The following ST6GALNAC5 variants were observed in gnomAD, a reference collection of about 807,000 sequenced individuals.
ST6GALNAC5 encodes ST6 N-acetylgalactosaminide alpha-2,6-sialyltransferase 5.
In ST6GALNAC5, 27 loss-of-function variants were observed where a neutral mutation model predicts 33.6. The observed-to-expected ratio is 0.80, with a 90% CI of 0.59 to 1.11. ST6GALNAC5 has a LOEUF of 1.11. ST6GALNAC5 is among the 50% of genes least tolerant of loss of function. The pLI is 0.00. For synonymous variants in ST6GALNAC5, 194 were observed against 171.2 expected (o/e 1.13, Z -1.04); for missense variants, 428 against 454.0 (o/e 0.94, Z 0.52).
intron 2 of ST6GALNAC5, among the ~76,000 whole-genome samples, chr1:76,992,175 G>A (rs1649761602): frequency 6.6e-6 from 1 of 152,064 alleles, no homozygotes; most frequent in Middle Eastern, 3.4e-3. Context: ...TCCCTGCTTG[G>A]AACTGTATGC....
intron 2 of ST6GALNAC5, among the ~76,000 whole-genome samples, chr1:77,003,851 C>T (rs202079147): frequency 0.36 from 51,965 of 145,082 alleles, 9,991 homozygotes; most frequent in African/African-American, 0.5. Flanking sequence ...GGGTTTCTGC[C>T]GAGAGATCTG....
intron 4 of ST6GALNAC5, among the ~76,000 whole-genome samples, chr1:77,054,873 G>A (rs915564558): frequency 6.6e-6 from 1 of 152,112 alleles, no homozygotes; most frequent in African/African-American, 2.4e-5. Flanking sequence ...AAGAAAGATA[G>A]CATTGCATTC....
intron 2 of ST6GALNAC5, among the ~76,000 whole-genome samples, chr1:76,940,595 G>A (rs541466412): frequency 6.6e-6 from 1 of 152,138 alleles, no homozygotes; most frequent in East Asian, 1.9e-4. Flanking sequence ...TGGAGAAAGG[G>A]AAGCAACTTG....
At chr1:76,874,351 G>A (rs1439939511) in intron 2 of ST6GALNAC5, among the ~76,000 whole-genome samples, 3 of 152,080 alleles carry the variant, frequency 2.0e-5, no homozygotes. Context: ...GTAACATATG[G>A]TGACCACCTT....
At chr1:76,974,878 C>T (rs1570726833) in intron 2 of ST6GALNAC5, among the ~76,000 whole-genome samples, 2 of 147,628 alleles carry the variant, frequency 1.4e-5, no homozygotes, top group Admixed American at 6.8e-5. Flanking sequence ...TTCCGCCTCC[C>T]GGGTTCAAGT....
chr1:76,938,304 T>C (rs1353092434), intron 2 of ST6GALNAC5, among the ~76,000 whole-genome samples: 1 of 151,968 alleles, frequency 6.6e-6, no homozygotes, highest in Non-Finnish European at 1.5e-5. Context: ...AAGTTTGATG[T>C]GGAAAGAAAA....
At chr1:76,867,836 G>C (rs1570621157) in intron 1 of ST6GALNAC5, 146 bp downstream of exon 1, 3 of 1,186,950 alleles carry the variant, frequency 2.5e-6, no homozygotes, top group Non-Finnish European at 3.6e-6. Context: ...CCCGCTCCGC[G>C]TTCCCTCCCG....
chr1:77,048,464 C>A (rs1170577207), intron 3 of ST6GALNAC5, among the ~76,000 whole-genome samples: 1 of 152,180 alleles, frequency 6.6e-6, no homozygotes, highest in Non-Finnish European at 1.5e-5. Flanking sequence ...GAAGCCACTT[C>A]CTCTTCTTAC....
At chr1:77,039,326 C>T (rs1169324306) in intron 2 of ST6GALNAC5, among the ~76,000 whole-genome samples, 5 of 152,322 alleles carry the variant, frequency 3.3e-5, no homozygotes, top group Admixed American at 6.5e-5. Flanking sequence ...TACTGTGTCC[C>T]GGGCCATTTT....
At chr1:76,989,756 G>A (rs1649651296) in intron 2 of ST6GALNAC5, among the ~76,000 whole-genome samples, 1 of 152,016 alleles carries the variant, frequency 6.6e-6, no homozygotes, top group South Asian at 2.1e-4. Context: ...TCTTTATTTG[G>A]CCTTGCTTCT....
chr1:76,923,188 A>T (rs1245967172), intron 2 of ST6GALNAC5, among the ~76,000 whole-genome samples: 1 of 152,088 alleles, frequency 6.6e-6, no homozygotes, highest in Non-Finnish European at 1.5e-5. Flanking sequence ...GGTAAAAGGC[A>T]TATAAGATCC....
intron 2 of ST6GALNAC5, among the ~76,000 whole-genome samples, chr1:76,997,524 T>C (rs896225518): frequency 9.2e-5 from 14 of 152,182 alleles, no homozygotes; most frequent in African/African-American, 3.4e-4. Flanking sequence ...TCTAGAACTT[T>C]TAATAGACGA....
At chr1:76,935,026 C>A (rs1647186737) in intron 2 of ST6GALNAC5, among the ~76,000 whole-genome samples, 1 of 152,008 alleles carries the variant, frequency 6.6e-6, no homozygotes, top group African/African-American at 2.4e-5. Context: ...GTTATTTCAG[C>A]ATAATAAGTA....
chr1:76,955,009 T>C (rs1292009304), intron 2 of ST6GALNAC5, among the ~76,000 whole-genome samples: 2 of 152,164 alleles, frequency 1.3e-5, no homozygotes, highest in Non-Finnish European at 2.9e-5. Flanking sequence ...ACAGTCATGA[T>C]TTTTGCCCTC....
intron 4 of ST6GALNAC5, among the ~76,000 whole-genome samples, chr1:77,057,268 A>G (rs975190611): frequency 2.6e-5 from 4 of 152,212 alleles, no homozygotes; most frequent in Admixed American, 6.5e-5. Flanking sequence ...GGGTTAACCT[A>G]GATCACACTA....
chr1:76,975,533 T>C (rs1648975053), intron 2 of ST6GALNAC5, among the ~76,000 whole-genome samples: 1 of 152,130 alleles, frequency 6.6e-6, no homozygotes, highest in Non-Finnish European at 1.5e-5. Flanking sequence ...TGGAGTTACT[T>C]TAATAGGTGG....
chr1:76,970,494 G>A (rs1427559469), intron 2 of ST6GALNAC5, among the ~76,000 whole-genome samples: 4 of 151,908 alleles, frequency 2.6e-5, no homozygotes, highest in African/African-American at 7.3e-5. Context: ...AGCGAGAAGA[G>A]AAGTTTAGAG....
chr1:76,977,627 C>T (rs1436702438), intron 2 of ST6GALNAC5, among the ~76,000 whole-genome samples: 3 of 152,152 alleles, frequency 2.0e-5, no homozygotes, highest in Non-Finnish European at 4.4e-5. Context: ...GTTTATGCTG[C>T]CACAAATGAT....
Position 77,044,519 on chromosome 1 carries a change from A to G in ST6GALNAC5, c.577A>G (p.Ser193Gly), listed in dbSNP as rs1181041525. Residue 193 changes from serine to glycine, a missense_variant, in exon 3 of 5, where the codon AGC (serine) becomes GGC (glycine). Transcript: ENST00000477717. Reference sequence around the variant, plus strand: ...GGTCTACAACAACCTGCATCTCCTGAGCCAGGTGCTGCCCCGGCTGAAGGC... The same window carrying G: ...GGTCTACAACAACCTGCATCTCCTGGGCCAGGTGCTGCCCCGGCTGAAGGC... ...GQVYNNLHLL[S>G]QVLPRLKAFM... 1.2e-6 allele frequency: 2 copies of G among 1,611,878 alleles called. No homozygotes were observed. The highest frequency in any genetic ancestry group is 2.7e-5 in the African/African-American group (2 of 74,844).
Sources: allele counts gnomAD v4.1 joint callset (sites outside exome capture counted in the v4.1 genomes callset), GRCh38; gene constraint gnomAD v4.1.1; transcripts MANE v1.5; gene names NCBI Gene and HGNC (gene_info 2026-07-23, HGNC 2026-07-21).